PHLDB2: variants seen among roughly 807,000 people sequenced by gnomAD.
PHLDB2 encodes pleckstrin homology-like domain family B member 2.
PHLDB2 carries 71 observed loss-of-function variants against 123.6 expected under a neutral mutation model. That is an observed-to-expected ratio of 0.57 (90% CI 0.47 to 0.70). The LOEUF (loss-of-function observed/expected upper bound fraction) is 0.70, where lower values mean the gene tolerates loss of function less well. Ranked by LOEUF, PHLDB2 falls within the 30% of genes least tolerant of loss-of-function variation. PHLDB2 has a pLI of 0.00. For synonymous variants in PHLDB2, 547 were observed against 541.6 expected (o/e 1.01, Z -0.14); for missense variants, 1,446 against 1,519.5 (o/e 0.95, Z 0.80).
intron 1 of PHLDB2, among the ~76,000 whole-genome samples, chr3:111,785,138 T>C (rs1022930124): frequency 6.6e-6 from 1 of 152,210 alleles, no homozygotes; most frequent in Non-Finnish European, 1.5e-5. Flanking sequence ...ATTTCATTTT[T>C]AGCAGTTTAA....
At chr3:111,883,202 A>G (rs141019628) in intron 1 of PHLDB2, among the ~76,000 whole-genome samples, 13 of 152,284 alleles carry the variant, frequency 8.5e-5, no homozygotes, top group African/African-American at 2.2e-4. Context: ...TTCATTGGCT[A>G]AAACTTTAGT....
At chr3:111,805,670 C>T (rs1165312313) in intron 1 of PHLDB2, among the ~76,000 whole-genome samples, 1 of 149,580 alleles carries the variant, frequency 6.7e-6, no homozygotes, top group South Asian at 2.2e-4. Context: ...CTGTCTGATT[C>T]CATTTTTATG....
At chr3:111,760,637 A>G (rs1465340242) in intron 1 of PHLDB2, among the ~76,000 whole-genome samples, 1 of 152,004 alleles carries the variant, frequency 6.6e-6, no homozygotes, top group African/African-American at 2.4e-5. Context: ...ACTAGAAGGC[A>G]GAAAACGTGT....
At chr3:111,809,132 T>C (rs1004125281) in intron 1 of PHLDB2, among the ~76,000 whole-genome samples, 1 of 152,216 alleles carries the variant, frequency 6.6e-6, no homozygotes, top group Admixed American at 6.5e-5. Flanking sequence ...CCTTAGTTAA[T>C]TGATTATTCA....
chr3:111,966,641 G>C lies in PHLDB2; in HGVS notation c.3106G>C (p.Glu1036Gln). 1 of 1,613,220 alleles carries C rather than the reference G, an allele frequency of 6.2e-7. No individual in the cohort carries two copies. The highest frequency in any genetic ancestry group is 8.5e-7 in the Non-Finnish European group (1 of 1,179,532). The part of the protein sequence containing the change: ...SASTSNIARI[E>Q]EMERLLKQAH... ...CAGCACTTCAAATATTGCTAGAATA[G>C]AAGAAATGGAGAGACTTTTGAAGCA... The change falls in exon 14 of 18, where the codon GAA becomes CAA. Residue 1036 changes from glutamate to glutamine, a missense_variant. Around this residue, in one of 3 missense-constraint regions of PHLDB2, gnomAD observed 594 missense variants for 646.0 expected, o/e 0.92. Coordinates refer to ENST00000431670, the MANE Select transcript of PHLDB2 (RefSeq NM_001134438.2).
In PHLDB2 at chr3:111,827,214, C is replaced by T. The variant is rs1265777561; in HGVS notation, c.-48-18607C>T. Among the ~76,000 whole-genome samples, 6 of 152,316 alleles carry T rather than the reference C, an allele frequency of 3.9e-5. No homozygotes were observed. The South Asian group carries it at 1.2e-3, about 32-fold the overall frequency. On this transcript the variant is annotated intron_variant, in intron 1 of 17. Transcript: ENST00000393923. ...AGACAGAAATGTGACCACATCCTTC[C>T]TCTAACCTTTTAACCAGCTGTCTGT...
At chr3:111,772,214 T>C (rs2060191484) in intron 1 of PHLDB2, among the ~76,000 whole-genome samples, 1 of 152,208 alleles carries the variant, frequency 6.6e-6, no homozygotes, top group South Asian at 2.1e-4. Context: ...GTCTTTTTCT[T>C]ACTGTTACTA....
At position 111,885,404 on chromosome 3, in the gene PHLDB2, G is replaced by A; in HGVS notation, c.1327G>A (p.Glu443Lys). The A allele has an allele frequency of 1.9e-6, 3 of 1,614,110 alleles. No homozygotes were observed. Among genetic ancestry groups the A allele is most frequent in the Non-Finnish European group, 2.5e-6 (3 of 1,180,028 alleles). ...GGAAAGACTCAGGGAGCAGGAAATGGAGCGATTGGTAATCTTCATCTCAAC... is the reference window on the plus strand; with the variant it reads ...GGAAAGACTCAGGGAGCAGGAAATGAAGCGATTGGTAATCTTCATCTCAAC... The part of the protein sequence containing the change: ...REERLREQEM[E>K]RLERQRLETI... The change falls in exon 2 of 18, where the codon GAG (glutamate) becomes AAG (lysine). Residue 443 changes from glutamate to lysine, a missense_variant. By Grantham distance (56) the Glu-to-Lys change is moderately conservative. Coordinates refer to ENST00000431670, the MANE Select transcript of PHLDB2 (RefSeq NM_001134438.2).
In PHLDB2 at chr3:111,952,616, C is replaced by G. The variant is rs574142431; in HGVS notation, c.2676C>G (p.Gly892=). 1.9e-6 allele frequency: 3 copies of G among 1,613,796 alleles called. No homozygotes were observed. In the South Asian group the frequency reaches 3.3e-5, roughly 18 times the overall value. Residue 892 remains glycine (G), a synonymous_variant, in exon 11 of 18, where the codon GGC becomes GGG. Transcript: ENST00000431670. ...LEERKKQHKE[G]LYLSDTLPRK... is the part of the protein sequence containing the mutation. ...AAAGGAAAAAACAGCATAAAGAAGG[C>G]CTCTATCTGAGTGATACTTTGCCTC...
intron 1 of PHLDB2, among the ~76,000 whole-genome samples, chr3:111,733,477 TA>T (rs1199774908): frequency 2.0e-5 from 3 of 152,164 alleles, no homozygotes; most frequent in African/African-American, 7.2e-5. Context: ...GAATAGTAAA[TA>T]TCCCAAGACC....
intron 2 of PHLDB2, among the ~76,000 whole-genome samples, chr3:111,899,256 A>C (rs2107434680): frequency 6.6e-6 from 1 of 152,228 alleles, no homozygotes; most frequent in East Asian, 1.9e-4. Flanking sequence ...GGGAGCAGTA[A>C]TTTTATTCAT....
Position 111,939,646 on chromosome 3 carries a change from G to A in PHLDB2, c.2286+16G>A, listed in dbSNP as rs754594210. On this transcript the variant is annotated intron_variant, in intron 7 of 17. Transcript: ENST00000431670. ...TTCTAGAAAGGTACTTTTTCCAGGT[G>A]TCATTCAATGTGAAAAATCAAAATA... The A allele has an allele frequency of 6.3e-7, 1 of 1,596,360 alleles. No homozygotes were observed. Among genetic ancestry groups the A allele is most frequent in the Non-Finnish European group, 8.5e-7 (1 of 1,173,874 alleles).
At chr3:111,774,451 G>A (rs1175493132) in intron 1 of PHLDB2, among the ~76,000 whole-genome samples, 1 of 152,200 alleles carries the variant, frequency 6.6e-6, no homozygotes, top group Non-Finnish European at 1.5e-5. Context: ...CAAAATGCTA[G>A]GGATGCGAGC....
At chr3:111,945,130 T>C in intron 8 of PHLDB2, 138 bp from the exon 9 acceptor site, 2 of 648,684 alleles carry the variant, frequency 3.1e-6, no homozygotes, top group South Asian at 3.9e-5. Flanking sequence ...TTTGAAATTT[T>C]GACTGAGTAT....
At chr3:111,838,009 T>C (rs1559860736) in intron 1 of PHLDB2, among the ~76,000 whole-genome samples, 1 of 151,508 alleles carries the variant, frequency 6.6e-6, no homozygotes, top group Non-Finnish European at 1.5e-5. Context: ...CCCACCGCAC[T>C]CCAGCCTGGG....
rs369584260 is a variant in PHLDB2 at position 111,882,362 on chromosome 3, C to T, written c.-14-1702C>T. Reference sequence around the variant, plus strand: ...GGAGTCTCAGTTTCAGTCCTCTAAGCGGGCATGGTAAGATATTTCTCAATC... The same window carrying T: ...GGAGTCTCAGTTTCAGTCCTCTAAGTGGGCATGGTAAGATATTTCTCAATC... On this transcript the variant is annotated intron_variant, in intron 1 of 17. Coordinates refer to ENST00000431670, the MANE Select transcript of PHLDB2 (RefSeq NM_001134438.2). Among the ~76,000 whole-genome samples, 58 of 152,168 alleles carry T rather than the reference C, an allele frequency of 3.8e-4. No individual in the cohort carries two copies. The South Asian group carries it at 0.011, about 28-fold the overall frequency.
intron 2 of PHLDB2, chr3:111,846,139 C>T: frequency 1.9e-6 from 1 of 518,702 alleles, no homozygotes; most frequent in Admixed American, 3.1e-5. Flanking sequence ...TCACTGAAGT[C>T]ATATGCTGAG....
Position 111,939,738 on chromosome 3 carries a change from T to C in PHLDB2, c.2286+108T>C, listed in dbSNP as rs1479890650. 9 of 1,141,950 alleles carry C rather than the reference T, an allele frequency of 7.9e-6. No individual in the cohort carries two copies. In the East Asian group the frequency reaches 2.3e-4, roughly 29 times the overall value. 70.7% of individuals were successfully genotyped at this position (1,141,950 alleles called of 1,614,324 possible). A position where few individuals can be genotyped will look rare whatever the true frequency, so the allele number is the denominator to read the frequency against. ...ATCACATTTGACAGATTACGTAGTC[T>C]GCCATGTATGTGGCAAATGGTGTTC... On this transcript the variant is annotated intron_variant, in intron 7 of 17. Transcript: ENST00000431670.
chr3:111,846,768 GC>G (rs2064010248), intron 2 of PHLDB2, among the ~76,000 whole-genome samples: 1 of 152,168 alleles, frequency 6.6e-6, no homozygotes, highest in Non-Finnish European at 1.5e-5. Flanking sequence ...GAGATTTTAA[GC>G]AATTGTCTTA....
Sources: allele counts gnomAD v4.1 joint callset (sites outside exome capture counted in the v4.1 genomes callset), GRCh38; gene constraint gnomAD v4.1.1; regional missense constraint gnomAD v4.1.1; transcripts MANE v1.5; gene names NCBI Gene and HGNC (gene_info 2026-07-23, HGNC 2026-07-21).